ABR: variants seen among roughly 807,000 people sequenced by gnomAD.
ABR encodes active breakpoint cluster region-related protein.
A neutral mutation model predicts 107.2 loss-of-function variants in ABR; 35 were observed. The observed-to-expected ratio is 0.33, with a 90% CI of 0.25 to 0.43. The LOEUF (loss-of-function observed/expected upper bound fraction) is 0.43. ABR is among the 20% of genes least tolerant of loss of function. The pLI is 1.00. For synonymous variants in ABR, 498 were observed against 462.0 expected (o/e 1.08, Z -1.00); for missense variants, 815 against 1,115.2 (o/e 0.73, Z 3.83).
chr17:1,190,766 G>C (rs1009718377), upstream of ABR, among the ~76,000 whole-genome samples: 1 of 152,246 alleles, frequency 6.6e-6, no homozygotes, highest in Non-Finnish European at 1.5e-5. Context: ...GGGATTCCGA[G>C]AAAGAAGATG....
upstream of ABR, among the ~76,000 whole-genome samples, chr17:1,183,127 A>G (rs563684825): frequency 1.3e-5 from 2 of 152,248 alleles, no homozygotes; most frequent in African/African-American, 4.8e-5. Context: ...ATCAACCCCA[A>G]TCTGTCAGAG....
rs543775177 is a variant in ABR at position 1,148,253 on chromosome 17, T to C, written c.62-22886A>G. Among the ~76,000 whole-genome samples, 3 of 152,342 alleles carry C rather than the reference T, an allele frequency of 2.0e-5. No homozygotes were observed. Among genetic ancestry groups the C allele is most frequent in the Non-Finnish European group, 2.9e-5 (2 of 68,038 alleles). On this transcript the variant is annotated intron_variant, in intron 1 of 22. Coordinates refer to ENST00000302538, the MANE Select transcript of ABR (RefSeq NM_021962.5). The surrounding 1 kb of genome is among the most constrained non-coding windows in gnomAD (Gnocchi z 4.9). ...CGCGGCCTTTACATAAAACGGATATTATTCGGCTTATATTCCGACACAGGC... is the reference window on the plus strand; with the variant it reads ...CGCGGCCTTTACATAAAACGGATATCATTCGGCTTATATTCCGACACAGGC...
In ABR at chr17:1,078,757, A is replaced by C; in HGVS notation, c.700+573T>G. The C allele has an allele frequency of 6.6e-7, 1 of 1,513,608 alleles. No homozygotes were observed. The allele number at this position is 1,513,608 out of a possible 1,614,324, so 93.8% of individuals were successfully genotyped here. ...CCCCGGCCACATCTAAGCCCACTCC[A>C]GCCGGCCCCCAGAGGTGGGAGGGTC... is the stretch of plus-strand genomic sequence containing the variant. On this transcript the variant is annotated intron_variant, in intron 6 of 22. Coordinates refer to ENST00000302538, the MANE Select transcript of ABR (RefSeq NM_021962.5). This position sits in a 1 kb window ranked among gnomAD's most constrained non-coding sequence, Gnocchi z 7.5.
upstream of ABR, among the ~76,000 whole-genome samples, chr17:1,184,168 AG>A (rs2042221143): frequency 6.8e-6 from 1 of 146,190 alleles, no homozygotes; most frequent in Non-Finnish European, 1.5e-5. Context: ...AAAAAAAAAA[AG>A]CCAGAGCCGG....
At chr17:1,066,849 G>A (rs556929579) in intron 10 of ABR, among the ~76,000 whole-genome samples, 12 of 152,104 alleles carry the variant, frequency 7.9e-5, no homozygotes, top group South Asian at 6.2e-4. Flanking sequence ...CCTTTCTATC[G>A]TGTTCAACAT....
chr17:1,097,721 C>G (rs2037569239), intron 3 of ABR, among the ~76,000 whole-genome samples: 1 of 152,134 alleles, frequency 6.6e-6, no homozygotes, highest in African/African-American at 2.4e-5. Flanking sequence ...CATTCACCTG[C>G]TGAAAGCCTG....
intron 1 of ABR, among the ~76,000 whole-genome samples, chr17:1,173,834 C>T (rs2041834266): frequency 6.6e-6 from 1 of 152,250 alleles, no homozygotes; most frequent in Non-Finnish European, 1.5e-5. Context: ...CCTGCCCCTT[C>T]CTAAGTCCTG....
At chr17:1,032,681 T>G (rs2072907541) in intron 16 of ABR, among the ~76,000 whole-genome samples, 1 of 127,164 alleles carries the variant, frequency 7.9e-6, no homozygotes, top group African/African-American at 2.8e-5. Flanking sequence ...GAGAAGAACT[T>G]GTTCTTGACC....
Position 1,050,280 on chromosome 17 carries a change from G to T in ABR, c.1660-99C>A. 6.9e-7 allele frequency: 1 copy of T among 1,450,744 alleles called. No individual in the cohort carries two copies. The allele number at this position is 1,450,744 out of a possible 1,614,324, so 89.9% of individuals were successfully genotyped here. A position where few individuals can be genotyped will look rare whatever the true frequency, so the allele number is the denominator to read the frequency against. ...CAGCTTTGCAAGGAGGAGGGAGTAAGCACGGCCCACGAAGGACACGTCAGA... is the reference window on the plus strand; with the variant it reads ...CAGCTTTGCAAGGAGGAGGGAGTAATCACGGCCCACGAAGGACACGTCAGA... On this transcript the variant is annotated intron_variant, in intron 15 of 22. Transcript: ENST00000302538. The surrounding 1 kb of genome is among the most constrained non-coding windows in gnomAD (Gnocchi z 4.6).
At chr17:1,182,145 C>T (rs967292592), upstream of ABR, 2 of 152,148 alleles carry the variant, frequency 1.3e-5, no homozygotes, top group African/African-American at 4.8e-5. Flanking sequence ...CTTGAGGGCT[C>T]TACAGAGGAA....
At chr17:1,193,474 T>C (rs551854210) in intron 1 of ABR, among the ~76,000 whole-genome samples, 5 of 152,286 alleles carry the variant, frequency 3.3e-5, no homozygotes, top group African/African-American at 4.8e-5. Context: ...GAGGCTCAAG[T>C]TCACACTGCT....
rs555901102 is a variant in ABR, at chr17:1,037,593, T to A, written c.1791+12457A>T. 6.6e-6 allele frequency among the ~76,000 whole-genome samples: 1 copy of A among 152,006 alleles called. No homozygotes were observed. The highest frequency in any genetic ancestry group is 1.5e-5 in the Non-Finnish European group (1 of 67,984). ...GAACAAAACTCACCCAGGGACAGAG[T>A]GGGCAGGGCGTGGCCCCTCAGTATG... On this transcript the variant is annotated intron_variant, in intron 16 of 22. Transcript: ENST00000302538. This position sits in a 1 kb window ranked among gnomAD's most constrained non-coding sequence, Gnocchi z 4.6.
At chr17:1,088,025 A>T (rs2036738514) in intron 4 of ABR, among the ~76,000 whole-genome samples, 1 of 152,214 alleles carries the variant, frequency 6.6e-6, no homozygotes, top group Admixed American at 6.5e-5. Flanking sequence ...GTAACGAATA[A>T]TCAAATACCC....
At chr17:1,152,933 C>A (rs1338631966) in intron 1 of ABR, among the ~76,000 whole-genome samples, 1 of 151,818 alleles carries the variant, frequency 6.6e-6, no homozygotes, top group African/African-American at 2.4e-5. Flanking sequence ...TCTCTACTGA[C>A]AATACAAAAT....
At chr17:1,086,242 G>A (rs1026126639) in intron 4 of ABR, among the ~76,000 whole-genome samples, 19 of 152,204 alleles carry the variant, frequency 1.2e-4, no homozygotes, top group African/African-American at 4.6e-4. Context: ...GGAGCAAATG[G>A]CCTATGTGTG....
rs758020221 is a variant in ABR, at chr17:1,108,898, GC to G, written c.247-8164del. 4.1e-4 allele frequency: 632 copies of G among 1,537,794 alleles called. 2 individuals carry two copies. Among genetic ancestry groups the G allele is most frequent in the Middle Eastern group, 2.1e-3 (12 of 5,770 alleles). On this transcript the variant is annotated intron_variant, in intron 2 of 22. Coordinates refer to ENST00000302538, the MANE Select transcript of ABR (RefSeq NM_021962.5). ...GCGCACCTTCGGCAGCGCCGGCCCG[GC>G]CCCCCCCAGCGCCCAGGGCGTGTCA...
At chr17:1,147,679 C>T (rs556385831) in intron 1 of ABR, among the ~76,000 whole-genome samples, 37 of 152,178 alleles carry the variant, frequency 2.4e-4, no homozygotes, top group Admixed American at 7.9e-4. Context: ...TTTGGTTCTA[C>T]GGCATGACCG....
intron 16 of ABR, chr17:1,031,636 G>C (rs1403889979): frequency 4.8e-6 from 6 of 1,250,298 alleles, no homozygotes; most frequent in Admixed American, 4.2e-5. Flanking sequence ...CGGCCCCAGA[G>C]CCGGGCGCCG....
At chr17:1,076,532 C>T (rs906582727) in intron 6 of ABR, among the ~76,000 whole-genome samples, 2 of 151,986 alleles carry the variant, frequency 1.3e-5, no homozygotes, top group Non-Finnish European at 2.9e-5. Context: ...ACTGCATTAT[C>T]GGCTCCCCGC....
Sources: allele counts gnomAD v4.1 joint callset (sites outside exome capture counted in the v4.1 genomes callset), GRCh38; gene constraint gnomAD v4.1.1; non-coding constraint Gnocchi (gnomAD v3.1); transcripts MANE v1.5; gene names NCBI Gene and HGNC (gene_info 2026-07-23, HGNC 2026-07-21).